The following CLIP1 variants were observed in gnomAD, a reference collection of about 807,000 sequenced individuals.
CLIP1 encodes the protein CAP-Gly domain containing linker protein 1, also known as CAP-Gly domain-containing linker protein 1.
In CLIP1, 66 loss-of-function variants were observed where a neutral mutation model predicts 161.6. That is an observed-to-expected ratio of 0.41 (90% CI 0.33 to 0.50). CLIP1 has a LOEUF of 0.50. CLIP1 is among the 20% of genes least tolerant of loss of function. CLIP1 has a pLI of 0.27. For missense variants in CLIP1, 1,376 were observed against 1,702.0 expected, an observed-to-expected ratio of 0.81 and a Z score of 3.37; for synonymous variants, 598 against 626.2, an observed-to-expected ratio of 0.96 and a Z score of 0.67.
chr12:122,363,694 A>C (rs1421330696), intron 4 of CLIP1, among the ~76,000 whole-genome samples: 1 of 150,140 alleles, frequency 6.7e-6, no homozygotes, highest in African/African-American at 2.5e-5. Context: ...AACTCCTATC[A>C]AAAGGGAGAG....
intron 17 of CLIP1, among the ~76,000 whole-genome samples, chr12:122,325,126 T>G (rs1593069664): frequency 6.6e-6 from 1 of 152,018 alleles, no homozygotes. Flanking sequence ...TGGTGCGATC[T>G]TGGCTCACTG....
intron 20 of CLIP1, among the ~76,000 whole-genome samples, chr12:122,303,796 CCCA>C (rs1283914501): frequency 6.6e-6 from 1 of 152,146 alleles, no homozygotes; most frequent in East Asian, 1.9e-4. Flanking sequence ...AACTTTCTTC[CCCA>C]AATTAGAAGA....
At chr12:122,364,961 C>G (rs1240388318) in intron 3 of CLIP1, 6 of 453,350 alleles carry the variant, frequency 1.3e-5, no homozygotes, top group South Asian at 3.6e-5. Flanking sequence ...TGGGAATCAT[C>G]ATTCTCAGTA....
chr12:122,389,149 A>C (rs779424470), intron 1 of CLIP1, among the ~76,000 whole-genome samples: 1 of 152,126 alleles, frequency 6.6e-6, no homozygotes, highest in Non-Finnish European at 1.5e-5. Flanking sequence ...TTGCAATGAA[A>C]ATCTGTTCAT....
chr12:122,316,260 GAGT>G, intron 19 of CLIP1, among the ~76,000 whole-genome samples: 2 of 151,550 alleles, frequency 1.3e-5, no homozygotes, highest in African/African-American at 4.9e-5. Context: ...ACCCAGGCTG[GAGT>G]GCAGTGGCAC....
intron 1 of CLIP1, among the ~76,000 whole-genome samples, chr12:122,387,615 T>TAGAAACAAGG (rs1955384095): frequency 8.6e-6 from 1 of 116,182 alleles, no homozygotes; most frequent in Non-Finnish European, 1.7e-5. Context: ...TTTTTTTTTT[T>TAGAAACAAGG]TAGAAACAAG....
intron 1 of CLIP1, among the ~76,000 whole-genome samples, chr12:122,398,862 A>C (rs1246941906): frequency 2.0e-5 from 3 of 149,634 alleles, no homozygotes; most frequent in African/African-American, 7.3e-5. Flanking sequence ...TTTTTTAAAA[A>C]GTTTAAGAAA....
chr12:122,385,242 T>C (rs886838158), intron 1 of CLIP1, among the ~76,000 whole-genome samples: 1 of 152,044 alleles, frequency 6.6e-6, no homozygotes, highest in Admixed American at 6.6e-5. Context: ...ATGGTAATTT[T>C]TAAAGGGTGT....
chr12:122,362,821 T>A (rs549109619), intron 4 of CLIP1, among the ~76,000 whole-genome samples: 48 of 149,894 alleles, frequency 3.2e-4, no homozygotes, highest in African/African-American at 1.2e-3. Flanking sequence ...TGGAGAAATA[T>A]TAACTATTAA....
At chr12:122,298,134 G>C (rs1158316089) in intron 20 of CLIP1, among the ~76,000 whole-genome samples, 1 of 152,084 alleles carries the variant, frequency 6.6e-6, no homozygotes, top group African/African-American at 2.4e-5. Context: ...GAGCTGCCCC[G>C]AGAGCATACT....
At chr12:122,408,874 C>A (rs576352062) in intron 1 of CLIP1, among the ~76,000 whole-genome samples, 1 of 152,040 alleles carries the variant, frequency 6.6e-6, no homozygotes, top group African/African-American at 2.4e-5. Context: ...CAGGGTGGCA[C>A]GATCTTGGCT....
chr12:122,390,281 T>TAC (rs34862258), intron 1 of CLIP1, among the ~76,000 whole-genome samples: 54,059 of 109,966 alleles, frequency 0.49, 14,750 homozygotes, highest in East Asian at 0.68. Flanking sequence ...TATATATACA[T>TAC]ATATATATAT....
intron 17 of CLIP1, among the ~76,000 whole-genome samples, chr12:122,325,212 C>T (rs904867824): frequency 6.6e-6 from 1 of 151,928 alleles, no homozygotes; most frequent in Non-Finnish European, 1.5e-5. Flanking sequence ...GCTCCGCCAC[C>T]GTGCCCGGCT....
chr12:122,402,324 C>A (rs576535724), intron 1 of CLIP1, among the ~76,000 whole-genome samples: 1 of 152,224 alleles, frequency 6.6e-6, no homozygotes, highest in South Asian at 2.1e-4. Flanking sequence ...TCCATCTCTA[C>A]AAAATTTTTA....
chr12:122,351,456 T>A (rs931351408), intron 8 of CLIP1, among the ~76,000 whole-genome samples: 1 of 152,190 alleles, frequency 6.6e-6, no homozygotes, highest in Non-Finnish European at 1.5e-5. Flanking sequence ...GTGAAGAAGA[T>A]ATCTATTAAA....
chr12:122,379,304 T>A (rs1387267351), intron 2 of CLIP1, among the ~76,000 whole-genome samples: 1 of 133,774 alleles, frequency 7.5e-6, no homozygotes, highest in African/African-American at 2.9e-5. Flanking sequence ...CAATACAGCA[T>A]CTCAAAAAAA....
At chr12:122,356,749 T>C (rs1249036288) in intron 5 of CLIP1, among the ~76,000 whole-genome samples, 1 of 130,414 alleles carries the variant, frequency 7.7e-6, no homozygotes, top group Non-Finnish European at 1.7e-5. Flanking sequence ...CTGATTCTCC[T>C]GCCTCAGCCT....
In CLIP1 at chr12:122,272,004, A is replaced by C. The variant is rs140967068; in HGVS notation, c.*871T>G. 1 of 152,596 alleles carries C rather than the reference A, an allele frequency of 6.6e-6. No individual in the cohort carries two copies. Among genetic ancestry groups the C allele is most frequent in the Non-Finnish European group, 1.5e-5 (1 of 68,038 alleles). The allele number at this position is 152,596 out of a possible 1,614,324, so 9.5% of individuals were successfully genotyped here. A position where few individuals can be genotyped will look rare whatever the true frequency, so the allele number is the denominator to read the frequency against. ...TGAAGAAATAAAAGGAAAACAAACA[A>C]ATGAAAATGGTTGCAAAGCCACAAG... On this transcript the variant is annotated 3_prime_UTR_variant, in exon 26 of 26. Coordinates refer to ENST00000620786, the MANE Select transcript of CLIP1 (RefSeq NM_001247997.2).
intron 8 of CLIP1, 55 bp downstream of exon 8, chr12:122,352,671 C>T (rs548541234): frequency 3.4e-5 from 49 of 1,430,884 alleles, no homozygotes; most frequent in South Asian, 8.0e-5. Flanking sequence ...TTATTTCGCC[C>T]GTGTTCTGAA....
Sources: allele counts gnomAD v4.1 joint callset (sites outside exome capture counted in the v4.1 genomes callset), GRCh38; gene constraint gnomAD v4.1.1; transcripts MANE v1.5; gene names NCBI Gene and HGNC (gene_info 2026-07-23, HGNC 2026-07-21).